Variants in PCDH7 observed in about 807,000 individuals in gnomAD.
PCDH7 encodes the protein protocadherin 7, also known as protocadherin-7.
In PCDH7, 17 loss-of-function variants were observed where a neutral mutation model predicts 58.9. That is an observed-to-expected ratio of 0.29 (90% CI 0.20 to 0.43). The LOEUF (loss-of-function observed/expected upper bound fraction) is 0.43, where lower values mean the gene tolerates loss of function less well. Among genes scored for constraint, PCDH7 ranks in the 20% least tolerant of loss-of-function variants. The probability of loss-of-function intolerance (pLI) is 1.00; values close to 1 mark genes in which losing one functional copy is unlikely to be tolerated. For synonymous variants in PCDH7, 664 were observed against 616.4 expected (o/e 1.08, Z -1.14); for missense variants, 1,274 against 1,441.0 (o/e 0.88, Z 1.88).
intron 1 of PCDH7, among the ~76,000 whole-genome samples, chr4:30,816,247 T>C (rs1727653499): frequency 6.6e-6 from 1 of 152,204 alleles, no homozygotes; most frequent in South Asian, 2.1e-4. Flanking sequence ...ATTCAAATGA[T>C]GTCATGTTCT....
At chr4:30,901,397 G>A (rs1740205219) in intron 1 of PCDH7, among the ~76,000 whole-genome samples, 1 of 152,066 alleles carries the variant, frequency 6.6e-6, no homozygotes, top group South Asian at 2.1e-4. Context: ...ATTAAAATTA[G>A]GATGATTTCC....
intron 1 of PCDH7, among the ~76,000 whole-genome samples, chr4:30,861,827 G>T (rs1364675935): frequency 6.6e-6 from 1 of 152,070 alleles, no homozygotes; most frequent in Non-Finnish European, 1.5e-5. Flanking sequence ...TCAGACAGAG[G>T]TTGTATATAA....
At chr4:31,076,145 C>G (rs1305717966) in intron 3 of PCDH7, among the ~76,000 whole-genome samples, 1 of 152,124 alleles carries the variant, frequency 6.6e-6, no homozygotes, top group African/African-American at 2.4e-5. Flanking sequence ...GTTTTTGAAG[C>G]TCTTAGAGTG....
At chr4:30,742,159 A>G (rs1225865841) in intron 1 of PCDH7, among the ~76,000 whole-genome samples, 1 of 152,204 alleles carries the variant, frequency 6.6e-6, no homozygotes, top group Non-Finnish European at 1.5e-5. Flanking sequence ...ATTCATGGCT[A>G]TTAATTTTGA....
chr4:30,915,029 T>C (rs1453021931), intron 1 of PCDH7, among the ~76,000 whole-genome samples: 1 of 152,214 alleles, frequency 6.6e-6, no homozygotes, highest in Non-Finnish European at 1.5e-5. Context: ...TATTTCTCTC[T>C]TAATTCTAGC....
intron 1 of PCDH7, among the ~76,000 whole-genome samples, chr4:30,844,691 A>G (rs1731677409): frequency 6.6e-6 from 1 of 152,218 alleles, no homozygotes. Flanking sequence ...AGATATAGCC[A>G]TCTTTGTTTC....
intron 1 of PCDH7, among the ~76,000 whole-genome samples, chr4:30,810,219 T>C (rs1337679374): frequency 6.6e-6 from 1 of 152,170 alleles, no homozygotes; most frequent in African/African-American, 2.4e-5. Flanking sequence ...ATAGACTATC[T>C]GTCTCACTAG....
chr4:30,950,343 C>T (rs941157012), intron 3 of PCDH7: 3 of 152,448 alleles, frequency 2.0e-5, no homozygotes, highest in African/African-American at 7.2e-5. Context: ...AATTGTTCAA[C>T]TTGAGTTTAT....
chr4:30,809,105 C>T (rs910159514), intron 1 of PCDH7, among the ~76,000 whole-genome samples: 12 of 152,194 alleles, frequency 7.9e-5, no homozygotes, highest in Non-Finnish European at 1.5e-4. Context: ...TTTTCGCATT[C>T]TCTATTAAGT....
At chr4:31,028,074 A>T (rs1035866684) in intron 3 of PCDH7, among the ~76,000 whole-genome samples, 6 of 152,116 alleles carry the variant, frequency 3.9e-5, no homozygotes, top group Non-Finnish European at 8.8e-5. Flanking sequence ...TTTTAATACA[A>T]GAGAAATACT....
At chr4:31,126,321 A>T (rs1036736128) in intron 3 of PCDH7, among the ~76,000 whole-genome samples, 1 of 151,470 alleles carries the variant, frequency 6.6e-6, no homozygotes, top group African/African-American at 2.4e-5. Context: ...ATACCCAGCT[A>T]TTTTTTTATT....
At chr4:30,888,131 C>G (rs985396295) in intron 1 of PCDH7, among the ~76,000 whole-genome samples, 60 of 152,132 alleles carry the variant, frequency 3.9e-4, no homozygotes, top group African/African-American at 1.4e-3. Flanking sequence ...ACCTCTGCCT[C>G]CCAAAGTTCT....
chr4:30,778,126 T>G (rs1382949160), intron 1 of PCDH7, among the ~76,000 whole-genome samples: 2 of 152,136 alleles, frequency 1.3e-5, no homozygotes, highest in Non-Finnish European at 2.9e-5. Flanking sequence ...TTCCCTGTAG[T>G]GTTCTGTTGT....
rs371917620 is a variant in PCDH7, at chr4:30,889,137, C to CAAAAAAAAAAAAA, written c.71-31009_71-30997dup. 4.0e-3 allele frequency among the ~76,000 whole-genome samples: 201 copies of CAAAAAAAAAAAAA among 49,974 alleles called. 7 individuals carry two copies. The highest frequency in any genetic ancestry group is 5.9e-3 in the Non-Finnish European group (149 of 25,468). 32.8% of individuals were successfully genotyped at this position (49,974 alleles called of 152,430 possible). A position where few individuals can be genotyped will look rare whatever the true frequency, so the allele number is the denominator to read the frequency against. ...CAGAGGTTGTGGTGAGCAGATATCT[C>CAAAAAAAAAAAAA]AAAAAAAAAAAAAAAAAAAGCAAAA... is the stretch of plus-strand genomic sequence containing the variant. On this transcript the variant is annotated intron_variant, in intron 1 of 3. Coordinates refer to the PCDH7 transcript ENST00000509759.
At chr4:31,079,659 A>G (rs536338622) in intron 3 of PCDH7, among the ~76,000 whole-genome samples, 4 of 152,012 alleles carry the variant, frequency 2.6e-5, no homozygotes, top group African/African-American at 9.6e-5. Context: ...AAAGTTCTAG[A>G]TAATCACATC....
intron 3 of PCDH7, among the ~76,000 whole-genome samples, chr4:31,088,236 T>C (rs1036798757): frequency 6.6e-6 from 1 of 152,092 alleles, no homozygotes; most frequent in African/African-American, 2.4e-5. Context: ...GGGGACATTG[T>C]TATTATCTAT....
intron 3 of PCDH7, among the ~76,000 whole-genome samples, chr4:30,963,914 T>A (rs1578429346): frequency 6.6e-6 from 1 of 152,208 alleles, no homozygotes; most frequent in Non-Finnish European, 1.5e-5. Flanking sequence ...TTTACATGGA[T>A]GAACCATTCC....
At chr4:31,053,756 T>A (rs1756936382) in intron 3 of PCDH7, among the ~76,000 whole-genome samples, 1 of 152,152 alleles carries the variant, frequency 6.6e-6, no homozygotes, top group African/African-American at 2.4e-5. Context: ...TTATGCTCTG[T>A]CCCTAAGCTA....
chr4:30,789,209 T>G (rs945986626), intron 1 of PCDH7, among the ~76,000 whole-genome samples: 2 of 152,150 alleles, frequency 1.3e-5, no homozygotes, highest in African/African-American at 4.8e-5. Flanking sequence ...GAAACCTTTT[T>G]GTTCTGCATC....
Sources: allele counts gnomAD v4.1 joint callset (sites outside exome capture counted in the v4.1 genomes callset), GRCh38; gene constraint gnomAD v4.1.1; transcripts MANE v1.5; gene names NCBI Gene and HGNC (gene_info 2026-07-23, HGNC 2026-07-21).